The following INSR variants were observed in gnomAD, a reference collection of about 807,000 sequenced individuals.
INSR encodes the protein IR.
Under a neutral mutation model 142.6 loss-of-function variants are expected in INSR, and 67 were observed. The observed-to-expected ratio is 0.47, with a 90% CI of 0.39 to 0.58. The LOEUF is 0.58. Among genes scored for constraint, INSR ranks in the 20% least tolerant of loss-of-function variants. The pLI, the probability that INSR is intolerant of heterozygous loss-of-function variation, is 0.00. For missense variants in INSR, 1,248 were observed against 1,833.2 expected (o/e 0.68, Z 5.83); for synonymous variants, 756 against 743.1 (o/e 1.02, Z -0.28).
chr19:7,272,326 G>A (rs1967946787), intron 1 of INSR, among the ~76,000 whole-genome samples: 1 of 151,202 alleles, frequency 6.6e-6, no homozygotes, highest in African/African-American at 2.4e-5. Flanking sequence ...ATAAATAAAT[G>A]TAAATAAAAG....
rs139087026 is a variant in INSR at position 7,282,510 on chromosome 19, C to T, written c.100+11282G>A. Among the ~76,000 whole-genome samples the T allele has an allele frequency of 1.2e-3, 178 of 150,692 alleles. 4 individuals carry two copies. The East Asian group carries it at 0.033, about 28-fold the overall frequency. ...CCCACCTGGGCAACATGGGGAAACC[C>T]CATCTCTACTAAAATGCAAAAATTA... On this transcript the variant is annotated intron_variant, in intron 1 of 21. Coordinates refer to ENST00000302850, the MANE Select transcript of INSR (RefSeq NM_000208.4).
At chr19:7,141,498 G>T in intron 13 of INSR, 179 bp downstream of exon 13, 2 of 770,950 alleles carry the variant, frequency 2.6e-6, no homozygotes, top group Non-Finnish European at 4.3e-6. Flanking sequence ...CTGGTAGATT[G>T]GCATTTCTGA....
intron 2 of INSR, among the ~76,000 whole-genome samples, chr19:7,191,564 A>G (rs1308166454): frequency 6.6e-6 from 1 of 151,972 alleles, no homozygotes; most frequent in Non-Finnish European, 1.5e-5. Flanking sequence ...TGGCTTGTGC[A>G]TGTAATGGCA....
At position 7,268,448 on chromosome 19, in the gene INSR, TC is replaced by T. The variant is rs1324880817; in HGVS notation, c.101-553del. On this transcript the variant is annotated intron_variant, in intron 1 of 21. Transcript: ENST00000302850. ...TGAGGGCTTCCCAGGGAGCCCGATC[TC>T]CATTGCCCAAATGCCCTGAGTTCTC... The T allele has an allele frequency of 1.8e-5, 18 of 985,162 alleles. No individual in the cohort carries two copies. The African/African-American group carries it at 3.1e-4, about 17-fold the overall frequency. 61.0% of individuals were successfully genotyped at this position (985,162 alleles called of 1,614,324 possible).
rs778713961 is a variant in INSR at position 7,126,581 on chromosome 19, C to T, written c.3013+3G>A. On this transcript the variant is annotated splice_donor_region_variant and intron_variant, in intron 16 of 21. Transcript: ENST00000302850. ...CCACCCACAGGGAAGGGATGGTACT[C>T]ACCATCACTGGCACTGAGATACTCA... 4.5e-6 allele frequency: 7 copies of T among 1,555,036 alleles called. No individual in the cohort carries two copies. The highest frequency in any genetic ancestry group is 6.1e-6 in the Non-Finnish European group (7 of 1,147,494).
intron 5 of INSR, among the ~76,000 whole-genome samples, chr19:7,171,352 C>T (rs912908025): frequency 6.6e-6 from 1 of 152,138 alleles, no homozygotes; most frequent in African/African-American, 2.4e-5. Context: ...TGTTGATTAA[C>T]ATGTCCTTTT....
intron 14 of INSR, among the ~76,000 whole-genome samples, chr19:7,131,530 TA>T (rs1314938409): frequency 6.7e-6 from 1 of 149,404 alleles, no homozygotes; most frequent in East Asian, 2.1e-4. Flanking sequence ...GTATTTTTAG[TA>T]GAGATGGGGT....
intron 2 of INSR, among the ~76,000 whole-genome samples, chr19:7,213,358 AAC>A (rs1555753418): frequency 3.8e-4 from 52 of 137,446 alleles, no homozygotes; most frequent in East Asian, 1.8e-3. Flanking sequence ...AAAAAAAAAA[AAC>A]AAACAAAAAA....
chr19:7,187,034 A>T (rs1030538736), intron 2 of INSR, among the ~76,000 whole-genome samples: 8 of 151,406 alleles, frequency 5.3e-5, no homozygotes, highest in Non-Finnish European at 8.8e-5. Context: ...TGTGACTCTG[A>T]TGACTCTAGG....
rs772827013 is a variant in INSR at position 7,141,754 on chromosome 19, A to G, written c.2605T>C (p.Leu869=). The change falls in exon 13 of 22, where the codon TTG becomes CTG. Residue 869 remains leucine, a synonymous_variant. Transcript: ENST00000302850. ...HEIFENNVVH[L]MWQEPKEPNG... The stretch of plus-strand genomic sequence containing the variant: ...GGCTCCTTCGGCTCCTGCCACATCA[A>G]GTGGACGACGTTGTTCTCAAAGATT... 6.2e-7 allele frequency: 1 copy of G among 1,614,216 alleles called. No homozygotes were observed. Among genetic ancestry groups the G allele is most frequent in the Non-Finnish European group, 8.5e-7 (1 of 1,180,028 alleles).
In INSR at chr19:7,267,918, A is replaced by AAGC. The variant is rs767335619; in HGVS notation, c.101-25_101-23dup. The AAGC allele has an allele frequency of 3.1e-6, 5 of 1,606,036 alleles. No individual in the cohort carries two copies. In the Admixed American group the frequency reaches 8.4e-5, roughly 27 times the overall value. On this transcript the variant is annotated intron_variant, in intron 1 of 21. Coordinates refer to ENST00000302850, the MANE Select transcript of INSR (RefSeq NM_000208.4). The surrounding 1 kb of genome is among the most constrained non-coding windows in gnomAD (Gnocchi z 6.3). ...CACACTACAAGAGAAAATGAACAGAAAGCAAGACAGGTGAGCAGACGCACG... is the reference window on the plus strand; with the variant it reads ...CACACTACAAGAGAAAATGAACAGAAAGCAGCAAGACAGGTGAGCAGACGCACG...
chr19:7,197,061 GGC>G (rs1568479751), intron 2 of INSR, among the ~76,000 whole-genome samples: 1 of 152,214 alleles, frequency 6.6e-6, no homozygotes, highest in East Asian at 1.9e-4. Flanking sequence ...ATGGCAAAGG[GGC>G]AGGGGTTGGG....
At position 7,267,496 on chromosome 19, in the gene INSR, C is replaced by T; in HGVS notation, c.501G>A (p.Val167=). The change falls in exon 2 of 22, where the codon GTG becomes GTA. Residue 167 remains valine (V), a synonymous_variant. Transcript: ENST00000302850. The surrounding 1 kb of genome is among the most constrained non-coding windows in gnomAD (Gnocchi z 6.3). ...TIDWSRILDS[V]EDNYIVLNKD... is the part of the protein sequence containing the mutation. ...TGTTCAACACGATGTAATTATCCTC[C>T]ACGGAATCCAGGATACGGGACCAGT... 1.2e-6 allele frequency: 2 copies of T among 1,614,050 alleles called. No homozygotes were observed. The highest frequency in any genetic ancestry group is 1.7e-6 in the Non-Finnish European group (2 of 1,180,020).
intron 2 of INSR, among the ~76,000 whole-genome samples, chr19:7,258,958 TTCCC>T (rs970959537): frequency 2.8e-5 from 4 of 142,858 alleles, no homozygotes; most frequent in Non-Finnish European, 4.7e-5. Flanking sequence ...CCTTCCTTCC[TTCCC>T]TCCTTCCTTT....
chr19:7,241,600 C>T (rs887859417), intron 2 of INSR, among the ~76,000 whole-genome samples: 5 of 151,882 alleles, frequency 3.3e-5, no homozygotes, highest in South Asian at 2.1e-4. Context: ...CCAGCCTGGG[C>T]GACAGAGCGA....
chr19:7,192,284 AAAGAAAAGAAAAGAAAAGAAAAG>A lies in INSR; in HGVS notation c.653-7670_653-7648del, dbSNP rs1364066082. On this transcript the variant is annotated intron_variant, in intron 2 of 21. Coordinates refer to ENST00000302850, the MANE Select transcript of INSR (RefSeq NM_000208.4). This position sits in a 1 kb window ranked among gnomAD's most constrained non-coding sequence, Gnocchi z 4.2. ...AAAGAAAAGAAAAGAAAAGAAAAGAAAAGAAAAGAAAAGAAAAGAAAAGAAAAAAATCACAGGCAGCCCAGGCT... is the reference window on the plus strand; with the variant it reads ...AAAGAAAAGAAAAGAAAAGAAAAGAAAAAAAAATCACAGGCAGCCCAGGCT... Among the ~76,000 whole-genome samples, 1 of 149,890 alleles carries A rather than the reference AAAGAAAAGAAAAGAAAAGAAAAG, an allele frequency of 6.7e-6. No individual in the cohort carries two copies. Among genetic ancestry groups the A allele is most frequent in the African/African-American group, 2.5e-5 (1 of 40,296 alleles).
intron 2 of INSR, among the ~76,000 whole-genome samples, chr19:7,256,817 T>A (rs1353835162): frequency 6.6e-6 from 1 of 150,544 alleles, no homozygotes; most frequent in Non-Finnish European, 1.5e-5. Context: ...ACAGTTTTTT[T>A]TGTTTGTTTC....
chr19:7,160,316 T>G (rs1341447988), intron 9 of INSR, among the ~76,000 whole-genome samples: 1 of 151,962 alleles, frequency 6.6e-6, no homozygotes, highest in Non-Finnish European at 1.5e-5. Flanking sequence ...CTGGCTAATT[T>G]TTGTATTTTG....
At chr19:7,285,196 A>T (rs1465226416) in intron 1 of INSR, among the ~76,000 whole-genome samples, 3 of 152,066 alleles carry the variant, frequency 2.0e-5, no homozygotes, top group Admixed American at 6.6e-5. Flanking sequence ...CGCGCCTGTA[A>T]TCCCAGCACT....
Sources: allele counts gnomAD v4.1 joint callset (sites outside exome capture counted in the v4.1 genomes callset), GRCh38; gene constraint gnomAD v4.1.1; non-coding constraint Gnocchi (gnomAD v3.1); transcripts MANE v1.5; gene names NCBI Gene and HGNC (gene_info 2026-07-23, HGNC 2026-07-21).